XG: variants seen among roughly 807,000 people sequenced by gnomAD.
XG encodes the protein glycoprotein Xg.
XG carries 24 observed loss-of-function variants against 25.7 expected under a neutral mutation model. The observed-to-expected ratio is 0.93, with a 90% CI of 0.68 to 1.31. XG has a LOEUF of 1.31. Among genes scored for constraint, XG ranks in the 40% most tolerant of loss-of-function variants. XG has a pLI of 0.00. For missense variants in XG, 181 were observed against 187.6 expected, an observed-to-expected ratio of 0.96 and a Z score of 0.21; for synonymous variants, 77 against 69.2, an observed-to-expected ratio of 1.11 and a Z score of -0.56.
At chrX:2,764,106 G>A (rs763081701) in intron 1 of XG, among the ~76,000 whole-genome samples, 11 of 152,250 alleles carry the variant, frequency 7.2e-5, no homozygotes, top group African/African-American at 2.4e-4. Flanking sequence ...CCAAGATGGC[G>A]ATGAGAGTGA....
chrX:2,795,984 T>G (rs2086882047), intron 6 of XG, among the ~76,000 whole-genome samples: 1 of 110,100 alleles, frequency 9.1e-6, no homozygotes, highest in Non-Finnish European at 1.9e-5. Flanking sequence ...TGTATCTTTA[T>G]ATATATCTTT....
chrX:2,771,608 T>G (rs1334233535), intron 2 of XG, among the ~76,000 whole-genome samples: 6 of 152,204 alleles, frequency 3.9e-5, no homozygotes, highest in Non-Finnish European at 7.3e-5. Context: ...GCAGGCACAA[T>G]GGAACCAAAC....
intron 5 of XG, among the ~76,000 whole-genome samples, 192 bp from the exon 6 acceptor site, chrX:2,794,343 C>T (rs1381297994): frequency 3.6e-5 from 4 of 112,388 alleles, no homozygotes; most frequent in Non-Finnish European, 5.6e-5. Flanking sequence ...GCCCTGCACA[C>T]GCCTCCTTGC....
chrX:2,753,604 G>A (rs184057896), intron 1 of XG, among the ~76,000 whole-genome samples: 72 of 150,118 alleles, frequency 4.8e-4, no homozygotes, highest in Middle Eastern at 6.8e-3. Context: ...TTGAGATGTC[G>A]TGTCGTTTCA....
Position 2,815,672 on chromosome X carries a change from A to G in XG, c.*1292A>G, listed in dbSNP as rs1021544135. 1.8e-5 allele frequency: 2 copies of G among 111,096 alleles called. No individual in the cohort carries two copies. Among genetic ancestry groups the G allele is most frequent in the Middle Eastern group, 4.6e-3 (1 of 216 alleles). The allele number at this position is 111,096 out of a possible 1,213,427, so 9.2% of individuals were successfully genotyped here. On this transcript the variant is annotated 3_prime_UTR_variant, in exon 11 of 11. Coordinates refer to ENST00000644266, the MANE Select transcript of XG (RefSeq NM_001141919.2). ...TCCTATTTCAGTATTAGGTCCTGCA[A>G]CACTTTTCAATTCTTGTAGAAGGTT...
intron 9 of XG, chrX:2,808,585 A>G: frequency 1.3e-6 from 1 of 752,333 alleles, no homozygotes; most frequent in Non-Finnish European, 1.6e-6. Flanking sequence ...GAAGGTATGA[A>G]CACTCTGCCC....
At chrX:2,797,428 C>T in intron 7 of XG, 68 bp downstream of exon 7, 1 of 1,126,945 alleles carries the variant, frequency 8.9e-7, no homozygotes, top group Non-Finnish European at 1.2e-6. Flanking sequence ...AGGGCTCCCG[C>T]TTGCACTCTG....
At chrX:2,764,478 A>G (rs1177293049) in intron 1 of XG, among the ~76,000 whole-genome samples, 1 of 152,114 alleles carries the variant, frequency 6.6e-6, no homozygotes, top group African/African-American at 2.4e-5. Flanking sequence ...TGCTTTCTAT[A>G]TATACACATA....
intron 3 of XG, among the ~76,000 whole-genome samples, chrX:2,776,765 G>A (rs2534627): frequency 0.36 from 54,385 of 151,740 alleles, 8,730 homozygotes; most frequent in African/African-American, 0.56. Flanking sequence ...GGAGAATGGC[G>A]TGAACCCGGG....
chrX:2,756,706 G>C (rs311114), intron 1 of XG, among the ~76,000 whole-genome samples: 88,684 of 151,868 alleles, frequency 0.58, 26,284 homozygotes, highest in African/African-American at 0.67. Flanking sequence ...GTTCCCTGAC[G>C]CCCCCTCACA....
chrX:2,763,374 T>C (rs1755039307), intron 1 of XG, among the ~76,000 whole-genome samples: 1 of 151,100 alleles, frequency 6.6e-6, no homozygotes, highest in Admixed American at 6.6e-5. Flanking sequence ...CCCCACCAAA[T>C]AAAAAATGCC....
At chrX:2,773,157 CAG>C (rs2050861586) in intron 2 of XG, among the ~76,000 whole-genome samples, 1 of 141,476 alleles carries the variant, frequency 7.1e-6, no homozygotes, top group Non-Finnish European at 1.5e-5. Context: ...CAGAGGAAAA[CAG>C]GGAGGGAGGG....
chrX:2,773,861 GGGCAGGAAGGGAGAGGGAGGT>G lies in XG; in HGVS notation c.104-844_104-824del, dbSNP rs986076986. On this transcript the variant is annotated intron_variant, in intron 2 of 10. Transcript: ENST00000644266. ...AGAGAAGGAAGGAAGGAAGAAGGGAGGGCAGGAAGGGAGAGGGAGGTGGCAGGAAGGAGAAAAGGTGATGAG... is the reference window on the plus strand; with the variant it reads ...AGAGAAGGAAGGAAGGAAGAAGGGAGGGCAGGAAGGAGAAAAGGTGATGAG... Among the ~76,000 whole-genome samples, 12 of 151,346 alleles carry G rather than the reference GGGCAGGAAGGGAGAGGGAGGT, an allele frequency of 7.9e-5. No homozygotes were observed. The South Asian group carries it at 1.3e-3, about 16-fold the overall frequency.
chrX:2,810,042 T>C (rs1302678434), intron 9 of XG, among the ~76,000 whole-genome samples: 3 of 111,582 alleles, frequency 2.7e-5, no homozygotes, highest in Non-Finnish European at 5.6e-5. Flanking sequence ...AGGGGAAGAA[T>C]AGAGGGCTGT....
intron 5 of XG, among the ~76,000 whole-genome samples, chrX:2,790,857 C>T (rs1483468848): frequency 8.9e-6 from 1 of 111,957 alleles, no homozygotes; most frequent in Non-Finnish European, 1.9e-5. Flanking sequence ...TAAAAATTCT[C>T]ATCTCCATGG....
chrX:2,770,361 GTGA>G (rs2050790229), intron 1 of XG, among the ~76,000 whole-genome samples, 186 bp from the exon 2 acceptor site: 1 of 152,104 alleles, frequency 6.6e-6, no homozygotes, highest in African/African-American at 2.4e-5. Flanking sequence ...CTTCTTTTGG[GTGA>G]TGAGTATGCT....
At chrX:2,775,932 G>C (rs2050972607) in intron 3 of XG, among the ~76,000 whole-genome samples, 1 of 142,368 alleles carries the variant, frequency 7.0e-6, no homozygotes, top group Non-Finnish European at 1.5e-5. Context: ...CTCCAACCTG[G>C]GTGACAGAGT....
intron 4 of XG, among the ~76,000 whole-genome samples, chrX:2,782,793 G>C (rs1461143602): frequency 1.8e-5 from 2 of 111,805 alleles, no homozygotes; most frequent in Non-Finnish European, 3.8e-5. Context: ...CTTGCAGCCA[G>C]AGGCTGCACG....
intron 5 of XG, among the ~76,000 whole-genome samples, chrX:2,790,077 TG>T (rs1296313233): frequency 9.0e-6 from 1 of 111,168 alleles, no homozygotes; most frequent in Non-Finnish European, 1.9e-5. Flanking sequence ...GACAGGATCT[TG>T]CTGTGTTGTT....
Sources: gnomAD v4.1 joint callset for allele counts (sites outside exome capture counted in the v4.1 genomes callset) on GRCh38, gnomAD v4.1.1 for gene constraint, MANE v1.5 for transcripts, NCBI Gene and HGNC (gene_info 2026-07-23, HGNC 2026-07-21) for gene names.